Variants in WDFY3 observed in about 807,000 individuals in gnomAD.
WDFY3 encodes WD repeat and FYVE domain containing 3, also known as WD repeat and FYVE domain-containing protein 3.
WDFY3 carries 66 observed loss-of-function variants against 409.6 expected under a neutral mutation model. The observed-to-expected ratio is 0.16, with a 90% CI of 0.13 to 0.20. The LOEUF is 0.20. Among genes scored for constraint, WDFY3 ranks in the 10% least tolerant of loss-of-function variants. The pLI is 1.00. For synonymous variants in WDFY3, 1,521 were observed against 1,537.1 expected (o/e 0.99, Z 0.25); for missense variants, 3,031 against 4,298.1 (o/e 0.71, Z 8.24).
rs550922843 is a variant in WDFY3 at position 84,960,960 on chromosome 4, A to C, written c.-226+5249T>G. Among the ~76,000 whole-genome samples, 11 of 152,302 alleles carry C rather than the reference A, an allele frequency of 7.2e-5. No individual in the cohort carries two copies. The East Asian group carries it at 1.9e-3, about 27-fold the overall frequency. On this transcript the variant is annotated intron_variant, in intron 1 of 67. Transcript: ENST00000295888. ...AAGACAGATTTTGGCCAGGCACAGT[A>C]ATCCCAGCACTTTTGGGAGGCCGAG...
In WDFY3 at chr4:84,794,630, C is replaced by G. The variant is rs1749061374; in HGVS notation, c.3376G>C (p.Val1126Leu). 1 of 1,613,678 alleles carries G rather than the reference C, an allele frequency of 6.2e-7. No homozygotes were observed. Among genetic ancestry groups the G allele is most frequent in the Non-Finnish European group, 8.5e-7 (1 of 1,179,978 alleles). Residue 1126 changes from valine to leucine, a missense_variant, in exon 21 of 68, where the codon GTG becomes CTG. By Grantham distance (32) the Val-to-Leu change is conservative (BLOSUM62 1). Coordinates refer to ENST00000295888, the MANE Select transcript of WDFY3 (RefSeq NM_014991.6). ...TGCTCAGAAGAATTTGCTCGGCGCA[C>G]AACAGTAAGAAGTCTGACAGGGTGG... ...NNHPVRLLTVVRRANSSEQHY... is the reference protein window; with the variant it reads ...NNHPVRLLTVLRRANSSEQHY...
At chr4:84,680,951 A>C (rs567811837) in intron 64 of WDFY3, among the ~76,000 whole-genome samples, 1 of 152,308 alleles carries the variant, frequency 6.6e-6, no homozygotes, top group African/African-American at 2.4e-5. Context: ...TTTTCTTAGC[A>C]AGACAAATAC....
intron 1 of WDFY3, among the ~76,000 whole-genome samples, chr4:84,950,020 TGG>T: frequency 6.6e-6 from 1 of 152,262 alleles, no homozygotes; most frequent in Non-Finnish European, 1.5e-5. Flanking sequence ...GATGATAGAC[TGG>T]ATAAAGAAAA....
intron 2 of WDFY3, among the ~76,000 whole-genome samples, chr4:84,897,656 C>A (rs1394774289): frequency 1.2e-4 from 19 of 152,048 alleles, no homozygotes; most frequent in Admixed American, 9.8e-4. Context: ...AGGGGAAATG[C>A]ACTTTTAAGA....
intron 2 of WDFY3, among the ~76,000 whole-genome samples, chr4:84,908,369 A>G (rs1767323507): frequency 6.6e-6 from 1 of 152,204 alleles, no homozygotes; most frequent in Admixed American, 6.5e-5. Flanking sequence ...AATGCCATCA[A>G]TATCTCCAGA....
At chr4:84,870,398 C>T (rs981934851) in intron 3 of WDFY3, among the ~76,000 whole-genome samples, 11 of 152,098 alleles carry the variant, frequency 7.2e-5, no homozygotes, top group African/African-American at 1.9e-4. Flanking sequence ...GATAAGAAGT[C>T]TCTGCAGCCA....
Position 84,690,570 on chromosome 4 carries a change from G to A in WDFY3, c.9299C>T (p.Thr3100Met), listed in dbSNP as rs754980421. 1.2e-6 allele frequency: 2 copies of A among 1,614,074 alleles called. No homozygotes were observed. Among genetic ancestry groups the A allele is most frequent in the Non-Finnish European group, 8.5e-7 (1 of 1,180,008 alleles). The change falls in exon 61 of 68, where the codon ACG becomes ATG. Residue 3100 changes from threonine to methionine, a missense_variant. Transcript: ENST00000295888. Reference sequence around the variant, plus strand: ...GCCCATCTCCCACACACACACAACCGTGCTTGTTCCACCCGTGATGACCAG... The same window carrying A: ...GCCCATCTCCCACACACACACAACCATGCTTGTTCCACCCGTGATGACCAG... ...PKLVITGGTS[T>M]VVCVWEMGTS...
chr4:84,753,441 A>G (rs1303913794), intron 35 of WDFY3, among the ~76,000 whole-genome samples: 1 of 152,212 alleles, frequency 6.6e-6, no homozygotes, highest in Non-Finnish European at 1.5e-5. Context: ...GAAATTACTA[A>G]CAAGGGACTT....
chr4:84,924,805 A>C (rs941297381), intron 2 of WDFY3, among the ~76,000 whole-genome samples: 1 of 152,156 alleles, frequency 6.6e-6, no homozygotes, highest in African/African-American at 2.4e-5. Context: ...TGCTTCTAAA[A>C]CTTTTCCTAC....
chr4:84,959,081 T>C (rs754892714), intron 1 of WDFY3, among the ~76,000 whole-genome samples: 1 of 152,164 alleles, frequency 6.6e-6, no homozygotes, highest in Non-Finnish European at 1.5e-5. Context: ...CCCTCACCAC[T>C]AGAATTTAAG....
chr4:84,864,242 C>G (rs1761059534), intron 3 of WDFY3, among the ~76,000 whole-genome samples: 1 of 151,952 alleles, frequency 6.6e-6, no homozygotes, highest in South Asian at 2.1e-4. Flanking sequence ...GTGGCACACA[C>G]CAGTAGTCCC....
At chr4:84,815,589 T>A (rs1753175092) in intron 13 of WDFY3, among the ~76,000 whole-genome samples, 1 of 152,184 alleles carries the variant, frequency 6.6e-6, no homozygotes, top group African/African-American at 2.4e-5. Context: ...CATCTCCTTT[T>A]TCTAAGAGTT....
Position 84,679,226 on chromosome 4 carries a change from G to A in WDFY3, c.9840C>T (p.Asp3280=), listed in dbSNP as rs530783066. 18 of 1,546,452 alleles carry A rather than the reference G, an allele frequency of 1.2e-5. 1 individual carries two copies. The South Asian group carries it at 1.2e-4, about 10-fold the overall frequency. Residue 3280 remains aspartate (D), a synonymous_variant, in exon 65 of 68, where the codon GAC becomes GAT. Coordinates refer to ENST00000295888, the MANE Select transcript of WDFY3 (RefSeq NM_014991.6). ...CTGCTTCTGAATCACTGCTGTCCTCGTCTTGGGCTTCCTGCCCTGGGTGAA... is the reference window on the plus strand; with the variant it reads ...CTGCTTCTGAATCACTGCTGTCCTCATCTTGGGCTTCCTGCCCTGGGTGAA... ...PEAQIGQEAQ[D]EDSSDSEADE... is the part of the protein sequence containing the mutation.
chr4:84,698,347 T>A (rs1160278972), intron 56 of WDFY3, among the ~76,000 whole-genome samples: 2 of 151,554 alleles, frequency 1.3e-5, no homozygotes, highest in African/African-American at 4.8e-5. Context: ...TGCAGTGGTA[T>A]AATCATGGCT....
intron 56 of WDFY3, among the ~76,000 whole-genome samples, chr4:84,701,544 T>C (rs770542301): frequency 2.0e-5 from 3 of 152,128 alleles, no homozygotes; most frequent in Non-Finnish European, 4.4e-5. Flanking sequence ...GAAAAAAATA[T>C]AAAACAACAA....
chr4:84,835,660 T>C (rs1756465305), intron 7 of WDFY3, among the ~76,000 whole-genome samples: 1 of 152,184 alleles, frequency 6.6e-6, no homozygotes, highest in South Asian at 2.1e-4. Context: ...TCCTGTCCTT[T>C]CATCACTAGC....
chr4:84,915,766 G>T (rs189227398), intron 2 of WDFY3, among the ~76,000 whole-genome samples: 1 of 152,148 alleles, frequency 6.6e-6, no homozygotes, highest in African/African-American at 2.4e-5. Context: ...TAGAACCTCA[G>T]AGTAGTAGAA....
At chr4:84,885,472 TAGAA>T (rs1453704546) in intron 3 of WDFY3, among the ~76,000 whole-genome samples, 1 of 151,928 alleles carries the variant, frequency 6.6e-6, no homozygotes, top group Non-Finnish European at 1.5e-5. Flanking sequence ...TATTTTGGCT[TAGAA>T]AGGAACACTG....
At chr4:84,765,470 C>CTTTTGTGCTTATTTG (rs1743465555) in intron 32 of WDFY3, among the ~76,000 whole-genome samples, 1 of 152,100 alleles carries the variant, frequency 6.6e-6, no homozygotes, top group Non-Finnish European at 1.5e-5. Context: ...AACTGGCACA[C>CTTTTGTGCTTATTTG]AGTAAGTACT....
Sources: gnomAD v4.1 joint callset for allele counts (sites outside exome capture counted in the v4.1 genomes callset) on GRCh38, gnomAD v4.1.1 for gene constraint, MANE v1.5 for transcripts, NCBI Gene and HGNC (gene_info 2026-07-23, HGNC 2026-07-21) for gene names.